MAP6: variants seen among roughly 807,000 people sequenced by gnomAD.
MAP6 encodes the protein microtubule associated protein 6.
A neutral mutation model predicts 42.4 loss-of-function variants in MAP6; 26 were observed. The ratio of observed to expected loss-of-function variants is 0.61; its 90% CI spans 0.45 to 0.85. MAP6 has a LOEUF of 0.85. MAP6 is among the 40% of genes least tolerant of loss of function. MAP6 has a pLI of 0.00. For synonymous variants in MAP6, 418 were observed against 443.8 expected (o/e 0.94, Z 0.73); for missense variants, 966 against 1,099.0 (o/e 0.88, Z 1.71).
In MAP6 at chr11:75,667,911, C is replaced by T. The variant is rs1268435075; in HGVS notation, c.459G>A (p.Glu153=). Reference sequence around the variant, plus strand: ...CGCGGAAGTCCTTCTGGTACTGGGTCTCGCGCTCGAAGGGAGCGTCGGAGG... The same window carrying T: ...CGCGGAAGTCCTTCTGGTACTGGGTTTCGCGCTCGAAGGGAGCGTCGGAGG... ...YQPSDAPFER[E]TQYQKDFRAW... is the part of the protein sequence containing the mutation. The change falls in exon 1 of 4, where the codon GAG becomes GAA. Residue 153 remains glutamate (E), a synonymous_variant. Transcript: ENST00000304771. This position sits in a 1 kb window ranked among gnomAD's most constrained non-coding sequence, Gnocchi z 5.6. 2 of 1,419,926 alleles carry T rather than the reference C, an allele frequency of 1.4e-6. No individual in the cohort carries two copies. The highest frequency in any genetic ancestry group is 9.2e-7 in the Non-Finnish European group (1 of 1,083,150). The allele number at this position is 1,419,926 out of a possible 1,614,324, so 88.0% of individuals were successfully genotyped here. A position where few individuals can be genotyped will look rare whatever the true frequency, so the allele number is the denominator to read the frequency against.
chr11:75,655,282 T>C (rs1243645083), intron 1 of MAP6, among the ~76,000 whole-genome samples: 8 of 152,184 alleles, frequency 5.3e-5, no homozygotes, highest in Non-Finnish European at 2.9e-5. Context: ...TCTTTCTCAA[T>C]GGACTAAAAG....
At chr11:75,651,598 T>C (rs770168525) in intron 1 of MAP6, among the ~76,000 whole-genome samples, 24 of 152,324 alleles carry the variant, frequency 1.6e-4, no homozygotes, top group Non-Finnish European at 5.9e-5. Context: ...CAGAGACTAA[T>C]AGTATTTCAC....
intron 1 of MAP6, among the ~76,000 whole-genome samples, chr11:75,632,287 G>A (rs1943296471): frequency 6.6e-6 from 1 of 152,122 alleles, no homozygotes; most frequent in Non-Finnish European, 1.5e-5. Context: ...CAACTCTGGG[G>A]ACTTGCCCAG....
intron 1 of MAP6, among the ~76,000 whole-genome samples, chr11:75,660,712 T>C (rs990038935): frequency 1.3e-5 from 2 of 152,208 alleles, no homozygotes; most frequent in African/African-American, 4.8e-5. Flanking sequence ...CTTTATAAAA[T>C]TTGAATCAAA....
At chr11:75,588,213 G>A (rs1300947052) in intron 3 of MAP6, 29 bp from the exon 4 acceptor site, 2 of 1,591,642 alleles carry the variant, frequency 1.3e-6, no homozygotes, top group Non-Finnish European at 1.7e-6. Flanking sequence ...TGATCACTGT[G>A]AGAGTAGAGC....
At chr11:75,635,347 G>A (rs557650031) in intron 1 of MAP6, among the ~76,000 whole-genome samples, 9 of 152,258 alleles carry the variant, frequency 5.9e-5, no homozygotes, top group African/African-American at 2.2e-4. Context: ...CTGCCATGAG[G>A]GTTAAACACA....
At chr11:75,603,753 T>A (rs753216565) in intron 3 of MAP6, 2 of 985,154 alleles carry the variant, frequency 2.0e-6, no homozygotes, top group African/African-American at 3.5e-5. Flanking sequence ...CCTAGCACAG[T>A]GCCTGGCACA....
At chr11:75,592,440 AG>A (rs1163768717) in intron 3 of MAP6, among the ~76,000 whole-genome samples, 2 of 152,206 alleles carry the variant, frequency 1.3e-5, no homozygotes, top group African/African-American at 4.8e-5. Context: ...TCTATTCCTT[AG>A]CCCCTGCCAG....
chr11:75,609,617 A>G (rs1942851845), intron 1 of MAP6, among the ~76,000 whole-genome samples: 2 of 152,204 alleles, frequency 1.3e-5, no homozygotes, highest in Admixed American at 1.3e-4. Context: ...AGGTCCTTAT[A>G]ATGTCCTTCT....
intron 1 of MAP6, among the ~76,000 whole-genome samples, chr11:75,650,348 C>T (rs988293458): frequency 2.6e-5 from 4 of 152,336 alleles, no homozygotes; most frequent in Non-Finnish European, 4.4e-5. Context: ...GATCCAACTC[C>T]TCACCTAGGT....
Position 75,587,719 on chromosome 11 carries a change from A to C in MAP6, c.1782T>G (p.Asp594Glu). ...CAGGTGCTGAGACCATGGGACCTTG[A>C]TCCTTGACAGATGCTGAGACCATGG... ...EGPMVSASVK[D>E]QGPMVSAPVK... Residue 594 changes from aspartate (D) to glutamate (E), a missense_variant, in exon 4 of 4, where the codon GAT (aspartate) becomes GAG (glutamate). Physicochemically the swap from Asp to Glu is conservative, Grantham distance 45. Transcript: ENST00000304771. The C allele has an allele frequency of 6.2e-7, 1 of 1,609,294 alleles. No homozygotes were observed. The highest frequency in any genetic ancestry group is 8.5e-7 in the Non-Finnish European group (1 of 1,177,316).
At chr11:75,664,539 C>T (rs1283340849) in intron 1 of MAP6, among the ~76,000 whole-genome samples, 2 of 152,198 alleles carry the variant, frequency 1.3e-5, no homozygotes, top group African/African-American at 4.8e-5. Flanking sequence ...GAACCAGTCA[C>T]CATGGTGTGA....
At chr11:75,661,476 T>G (rs1943843853) in intron 1 of MAP6, among the ~76,000 whole-genome samples, 1 of 151,930 alleles carries the variant, frequency 6.6e-6, no homozygotes, top group Non-Finnish European at 1.5e-5. Flanking sequence ...TTCAGCATAA[T>G]AAAATATATT....
intron 1 of MAP6, among the ~76,000 whole-genome samples, chr11:75,624,868 A>G (rs1943170419): frequency 6.6e-6 from 1 of 150,930 alleles, no homozygotes; most frequent in East Asian, 1.9e-4. Flanking sequence ...CAGCCTACAT[A>G]GTAAGCATTG....
intron 2 of MAP6, chr11:75,607,718 G>C: frequency 2.0e-6 from 2 of 979,120 alleles, no homozygotes; most frequent in Non-Finnish European, 2.4e-6. Context: ...TCTGGTGGGA[G>C]GGGAGCCGGG....
At chr11:75,599,121 A>C (rs1038887156) in intron 3 of MAP6, 5 of 152,180 alleles carry the variant, frequency 3.3e-5, no homozygotes, top group African/African-American at 9.7e-5. Flanking sequence ...TTGCATAAAG[A>C]TCCCTCTAGC....
chr11:75,615,526 G>C (rs1418141535), intron 1 of MAP6, among the ~76,000 whole-genome samples: 3 of 152,114 alleles, frequency 2.0e-5, no homozygotes, highest in Non-Finnish European at 2.9e-5. Flanking sequence ...TATGTACAGA[G>C]AGATGAAGAT....
At chr11:75,592,279 G>A (rs1942493275) in intron 3 of MAP6, among the ~76,000 whole-genome samples, 1 of 152,160 alleles carries the variant, frequency 6.6e-6, no homozygotes, top group African/African-American at 2.4e-5. Context: ...TATCCCCACT[G>A]CAGGCCAGGC....
chr11:75,665,395 A>G (rs1943930279), intron 1 of MAP6, among the ~76,000 whole-genome samples: 1 of 152,348 alleles, frequency 6.6e-6, no homozygotes, highest in Non-Finnish European at 1.5e-5. Flanking sequence ...CCAACTTGAA[A>G]TCATAAACTG....
Sources: gnomAD v4.1 joint callset for allele counts (sites outside exome capture counted in the v4.1 genomes callset) on GRCh38, gnomAD v4.1.1 for gene constraint, Gnocchi (gnomAD v3.1) non-coding constraint, MANE v1.5 for transcripts, NCBI Gene and HGNC (gene_info 2026-07-23, HGNC 2026-07-21) for gene names.